The following PARD3B variants were observed in gnomAD, a reference collection of about 807,000 sequenced individuals.
PARD3B encodes par-3 family cell polarity regulator beta.
In PARD3B, 103 loss-of-function variants were observed where a neutral mutation model predicts 130.2. The ratio of observed to expected loss-of-function variants is 0.79; its 90% CI spans 0.67 to 0.93. PARD3B has a LOEUF of 0.93. Among genes scored for constraint, PARD3B ranks in the 40% least tolerant of loss-of-function variants. PARD3B has a pLI of 0.00. For missense variants in PARD3B, 1,609 were observed against 1,499.2 expected, an observed-to-expected ratio of 1.07 and a Z score of -1.21; for synonymous variants, 583 against 553.2, an observed-to-expected ratio of 1.05 and a Z score of -0.76.
chr2:204,862,655 C>A (rs1258135293), intron 2 of PARD3B, among the ~76,000 whole-genome samples: 2 of 152,140 alleles, frequency 1.3e-5, no homozygotes, highest in African/African-American at 2.4e-5. Context: ...TCCCCAAGAA[C>A]CTCTCACTAG....
chr2:205,467,444 A>G (rs141919821), intron 20 of PARD3B, among the ~76,000 whole-genome samples: 12 of 152,252 alleles, frequency 7.9e-5, no homozygotes, highest in South Asian at 2.1e-4. Flanking sequence ...TCCAATAGAG[A>G]TATAATACAA....
chr2:204,612,015 AT>A (rs1484127787), intron 1 of PARD3B, among the ~76,000 whole-genome samples: 28 of 152,300 alleles, frequency 1.8e-4, no homozygotes, highest in African/African-American at 6.7e-4. Context: ...CATCTGTTGC[AT>A]TTTAGACAGT....
At position 205,524,941 on chromosome 2, in the gene PARD3B, C is replaced by T. The variant is rs537631102; in HGVS notation, c.3180+24910C>T. ...TGCGGTTGGTCATTTCAGCCAGAAT[C>T]TGGGAGATCAGTAGTAAATTGTCTA... On this transcript the variant is annotated intron_variant, in intron 21 of 22. Coordinates refer to ENST00000406610, the MANE Select transcript of PARD3B (RefSeq NM_001302769.2). Among the ~76,000 whole-genome samples the T allele has an allele frequency of 7.7e-4, 118 of 152,300 alleles. 2 individuals carry two copies. Among genetic ancestry groups the T allele is most frequent in the Admixed American group, 7.7e-3 (117 of 15,294 alleles).
At chr2:205,383,117 T>TAGATAGAG (rs1553500372) in intron 18 of PARD3B, among the ~76,000 whole-genome samples, 36 of 149,820 alleles carry the variant, frequency 2.4e-4, no homozygotes, top group Non-Finnish European at 3.4e-4. Flanking sequence ...GATAGATAGA[T>TAGATAGAG]AGATAGATAG....
chr2:205,254,685 A>T lies in PARD3B; in HGVS notation c.2185+8863A>T, dbSNP rs1198363443. Among the ~76,000 whole-genome samples the T allele has an allele frequency of 1.8e-4, 26 of 147,684 alleles. 1 individual carries two copies. The highest frequency in any genetic ancestry group is 6.5e-4 in the African/African-American group (26 of 39,816). On this transcript the variant is annotated intron_variant, in intron 16 of 22. Coordinates refer to ENST00000406610, the MANE Select transcript of PARD3B (RefSeq NM_001302769.2). ...TTTTATTTTATTTTTTTTTTTTGAGATGGAGTCTCGCTCTGTCGCCCAGAC... is the reference window on the plus strand; with the variant it reads ...TTTTATTTTATTTTTTTTTTTTGAGTTGGAGTCTCGCTCTGTCGCCCAGAC...
At chr2:204,739,432 G>T (rs1574858693) in intron 2 of PARD3B, among the ~76,000 whole-genome samples, 1 of 152,018 alleles carries the variant, frequency 6.6e-6, no homozygotes. Context: ...AATGTGTGTG[G>T]GGGTTTCATC....
At chr2:205,448,655 C>T (rs950884537) in intron 20 of PARD3B, among the ~76,000 whole-genome samples, 1 of 152,156 alleles carries the variant, frequency 6.6e-6, no homozygotes, top group African/African-American at 2.4e-5. Flanking sequence ...TCCTCCATGT[C>T]ATTGATAAGA....
chr2:204,997,040 T>C lies in PARD3B; in HGVS notation c.394+31717T>C, dbSNP rs372912170. On this transcript the variant is annotated intron_variant, in intron 3 of 22. Transcript: ENST00000406610. ...ATGGAAATGCAGAAATCACCCGTCTTCTGCGTCGCTCACGCTGGGAGCTGT... is the reference window on the plus strand; with the variant it reads ...ATGGAAATGCAGAAATCACCCGTCTCCTGCGTCGCTCACGCTGGGAGCTGT... Among the ~76,000 whole-genome samples the C allele has an allele frequency of 2.6e-5, 4 of 152,288 alleles. No homozygotes were observed. In the East Asian group the frequency reaches 7.7e-4, roughly 29 times the overall value.
intron 2 of PARD3B, among the ~76,000 whole-genome samples, chr2:204,702,609 C>T (rs2037945954): frequency 1.3e-5 from 2 of 152,122 alleles, no homozygotes; most frequent in African/African-American, 4.8e-5. Context: ...GAGTATTGCT[C>T]TGTCACCCAG....
intron 16 of PARD3B, among the ~76,000 whole-genome samples, chr2:205,257,296 C>T (rs1320765083): frequency 3.3e-5 from 5 of 151,728 alleles, no homozygotes; most frequent in African/African-American, 1.2e-4. Flanking sequence ...TCAAAGTTAC[C>T]TTTTGAATGA....
At chr2:205,027,547 G>C (rs1004466028) in intron 3 of PARD3B, among the ~76,000 whole-genome samples, 34 of 151,202 alleles carry the variant, frequency 2.2e-4, no homozygotes, top group African/African-American at 7.5e-4. Flanking sequence ...TTCCTTTGCT[G>C]TGCAGAAGCT....
chr2:205,439,257 A>C (rs2047629228), intron 19 of PARD3B, among the ~76,000 whole-genome samples: 2 of 152,050 alleles, frequency 1.3e-5, no homozygotes, highest in Non-Finnish European at 2.9e-5. Flanking sequence ...TCTAGCCCAC[A>C]GCCCTCTTAT....
chr2:204,695,663 A>C (rs1215115150), intron 2 of PARD3B, among the ~76,000 whole-genome samples: 2 of 152,028 alleles, frequency 1.3e-5, no homozygotes, highest in African/African-American at 2.4e-5. Context: ...CAAATATATC[A>C]CTTTTATTCT....
In PARD3B at chr2:204,943,315, G is replaced by A. The variant is rs1009293651; in HGVS notation, c.223-21837G>A. Among the ~76,000 whole-genome samples, 7 of 152,044 alleles carry A rather than the reference G, an allele frequency of 4.6e-5. No homozygotes were observed. Among genetic ancestry groups the A allele is most frequent in the Admixed American group, 2.6e-4 (4 of 15,264 alleles). ...CTGGAAAGATCGCATAGGTCACGAG[G>A]ATCTTCCTATGACCTATGATGAGAA... is the stretch of plus-strand genomic sequence containing the variant. On this transcript the variant is annotated intron_variant, in intron 2 of 22. Coordinates refer to ENST00000406610, the MANE Select transcript of PARD3B (RefSeq NM_001302769.2). This position sits in a 1 kb window ranked among gnomAD's most constrained non-coding sequence, Gnocchi z 4.2.
At chr2:204,847,982 T>G (rs2044534320) in intron 2 of PARD3B, among the ~76,000 whole-genome samples, 1 of 152,172 alleles carries the variant, frequency 6.6e-6, no homozygotes, top group South Asian at 2.1e-4. Flanking sequence ...TTCATCTCAC[T>G]TCATCTGATC....
intron 15 of PARD3B, among the ~76,000 whole-genome samples, chr2:205,228,136 A>G (rs2038656877): frequency 6.6e-6 from 1 of 152,306 alleles, no homozygotes; most frequent in South Asian, 2.1e-4. Flanking sequence ...AGTAGTTTAC[A>G]TGGCACAATT....
intron 21 of PARD3B, among the ~76,000 whole-genome samples, chr2:205,520,475 GGAGTTGCC>G (rs1464707943): frequency 3.9e-5 from 6 of 152,204 alleles, no homozygotes; most frequent in African/African-American, 1.2e-4. Context: ...CTCTGTCCAG[GGAGTTGCC>G]GAGTTGCTAC....
chr2:205,171,404 A>G (rs62172706), intron 11 of PARD3B, among the ~76,000 whole-genome samples: 21,598 of 152,150 alleles, frequency 0.14, 1,740 homozygotes, highest in Middle Eastern at 0.27. Context: ...TCTGCTTATG[A>G]GGGACTTCTG....
chr2:205,549,350 T>C (rs2052516787), intron 21 of PARD3B, among the ~76,000 whole-genome samples: 1 of 152,178 alleles, frequency 6.6e-6, no homozygotes, highest in South Asian at 2.1e-4. Context: ...AATGTTTACG[T>C]CTTTATTCAT....
Sources: gnomAD v4.1 joint callset for allele counts (sites outside exome capture counted in the v4.1 genomes callset) on GRCh38, gnomAD v4.1.1 for gene constraint, Gnocchi (gnomAD v3.1) non-coding constraint, MANE v1.5 for transcripts, NCBI Gene and HGNC (gene_info 2026-07-23, HGNC 2026-07-21) for gene names.